Variants in SYNE1 observed in about 807,000 individuals in gnomAD.
The protein encoded by SYNE1 is spectrin repeat containing nuclear envelope protein 1, also known as nesprin-1.
SYNE1 carries 616 observed loss-of-function variants against 1,111.0 expected under a neutral mutation model. The observed-to-expected ratio is 0.55, with a 90% CI of 0.52 to 0.59. SYNE1 has a LOEUF of 0.59. Among genes scored for constraint, SYNE1 ranks in the 20% least tolerant of loss-of-function variants. The pLI, the probability that SYNE1 is intolerant of heterozygous loss-of-function variation, is 0.00. For synonymous variants in SYNE1, 3,855 were observed against 3,825.8 expected (o/e 1.01, Z -0.28); for missense variants, 10,006 against 10,417.0 (o/e 0.96, Z 1.72).
rs59272369 is a variant in SYNE1, at chr6:152,184,631, TATAGATAGATAGATAGATAGATAG to T, written c.23302-4361_23302-4338del. On this transcript the variant is annotated intron_variant, in intron 128 of 145. Coordinates refer to ENST00000367255, the MANE Select transcript of SYNE1 (RefSeq NM_182961.4). ...ACTAAGCAGCTGGATTATACACATA[TATAGATAGATAGATAGATAGATAG>T]ATAGATAGATAGATAGATAGATAAA... Among the ~76,000 whole-genome samples, 193 of 143,024 alleles carry T rather than the reference TATAGATAGATAGATAGATAGATAG, an allele frequency of 1.3e-3. 5 individuals are homozygous for T. In the South Asian group the frequency reaches 0.032, roughly 24 times the overall value. 93.8% of individuals were successfully genotyped at this position (143,024 alleles called of 152,430 possible).
intron 13 of SYNE1, among the ~76,000 whole-genome samples, chr6:152,484,310 TA>T (rs1172675240): frequency 6.6e-6 from 1 of 152,184 alleles, no homozygotes; most frequent in African/African-American, 2.4e-5. Context: ...TCTTGGCCTT[TA>T]AGCATGAAGA....
rs1245842843 is a variant in SYNE1, at chr6:152,262,098, T to C, written c.18906A>G (p.Leu6302=). The C allele has an allele frequency of 1.9e-6, 3 of 1,613,832 alleles. No homozygotes were observed. The highest frequency in any genetic ancestry group is 1.7e-6 in the Non-Finnish European group (2 of 1,179,958). Residue 6302 remains leucine (L), a synonymous_variant, in exon 101 of 146, where the codon CTA becomes CTG. Transcript: ENST00000367255. Reference sequence around the variant, plus strand: ...TCTGCTTGGTACTAAATTCTTGATGTAGGCTTTCCCATTTCATTCTCATCT... The same window carrying C: ...TCTGCTTGGTACTAAATTCTTGATGCAGGCTTTCCCATTTCATTCTCATCT... ...EDQMRMKWES[L]HQEFSTKQKL...
chr6:152,413,087 G>T (rs1481774324), intron 42 of SYNE1, among the ~76,000 whole-genome samples: 1 of 152,142 alleles, frequency 6.6e-6, no homozygotes, highest in African/African-American at 2.4e-5. Flanking sequence ...CTGACCTCAG[G>T]TGATTCGCCT....
Position 152,149,551 on chromosome 6 carries a change from C to T in SYNE1, c.24568G>A (p.Asp8190Asn). 1.2e-6 allele frequency: 2 copies of T among 1,614,214 alleles called. No individual in the cohort carries two copies. Among genetic ancestry groups the T allele is most frequent in the African/African-American group, 1.3e-5 (1 of 75,062 alleles). ...LDAAIIEEEL[D>N]ELRRYCQEVF... ...TCCTGGCAGTACCGTCGGAGCTCATCTAGTTCCTCCTCGATGATCGCTGCA... is the reference window on the plus strand; with the variant it reads ...TCCTGGCAGTACCGTCGGAGCTCATTTAGTTCCTCCTCGATGATCGCTGCA... The change falls in exon 136 of 146, where the codon GAT (aspartate) becomes AAT (asparagine). Residue 8190 changes from aspartate to asparagine, a missense_variant. Transcript: ENST00000367255.
chr6:152,289,362 T>C (rs1302742424), intron 95 of SYNE1, among the ~76,000 whole-genome samples: 1 of 152,316 alleles, frequency 6.6e-6, no homozygotes, highest in East Asian at 1.9e-4. Context: ...AACACGGACC[T>C]TATGTGACCT....
intron 97 of SYNE1, among the ~76,000 whole-genome samples, chr6:152,279,496 G>A (rs138079043): frequency 6.6e-6 from 1 of 151,560 alleles, no homozygotes; most frequent in African/African-American, 2.4e-5. Context: ...CAGGCAGATC[G>A]CTTGAGCTCA....
In SYNE1 at chr6:152,310,728, A is replaced by G; in HGVS notation, c.16856T>C (p.Met5619Thr). The change falls in exon 88 of 146, where the codon ATG becomes ACG. Residue 5619 changes from methionine to threonine, a missense_variant. Physicochemically the swap from Met to Thr is moderately conservative, Grantham distance 81 (BLOSUM62 -1). Around this residue, in one of 7 missense-constraint regions of SYNE1, gnomAD observed 4,955 missense variants for 5,017.2 expected, o/e 0.99. Coordinates refer to ENST00000367255, the MANE Select transcript of SYNE1 (RefSeq NM_182961.4). Reference sequence around the variant, plus strand: ...GAGGTTCTGCAAACGAATTTTGATCATCTGTCGCAACTCCTCAGTCTCCCG... The same window carrying G: ...GAGGTTCTGCAAACGAATTTTGATCGTCTGTCGCAACTCCTCAGTCTCCCG... ...LGRETEELRQMIKIRLQNLQD... is the reference protein window; with the variant it reads ...LGRETEELRQTIKIRLQNLQD... 1.9e-6 allele frequency: 3 copies of G among 1,613,412 alleles called. No homozygotes were observed. The highest frequency in any genetic ancestry group is 2.5e-6 in the Non-Finnish European group (3 of 1,179,946).
intron 99 of SYNE1, 108 bp downstream of exon 99, chr6:152,269,047 A>T: frequency 6.6e-7 from 1 of 1,517,624 alleles, no homozygotes; most frequent in Non-Finnish European, 9.1e-7. Context: ...AGATAAAGAG[A>T]CACTCTGTCT....
chr6:152,369,841 G>A (rs1446948862), intron 59 of SYNE1, among the ~76,000 whole-genome samples: 1 of 151,914 alleles, frequency 6.6e-6, no homozygotes, highest in Non-Finnish European at 1.5e-5. Context: ...AAATTAGCCA[G>A]CCATGGTGGG....
At chr6:152,398,527 A>G in intron 49 of SYNE1, 92 bp downstream of exon 49, 3 of 1,027,736 alleles carry the variant, frequency 2.9e-6, no homozygotes, top group Non-Finnish European at 4.6e-6. Flanking sequence ...AGATTGGCTC[A>G]GATAAGATTT....
intron 39 of SYNE1, among the ~76,000 whole-genome samples, chr6:152,425,083 T>C (rs1446126048): frequency 2.0e-5 from 3 of 152,218 alleles, no homozygotes; most frequent in Non-Finnish European, 4.4e-5. Context: ...TTTTTTCCTA[T>C]ACAAAAACAG....
At position 152,148,139 on chromosome 6, in the gene SYNE1, G is replaced by A. The variant is rs2059827922; in HGVS notation, c.24882C>T (p.Asp8294=). 6.2e-7 allele frequency: 1 copy of A among 1,614,190 alleles called. No homozygotes were observed. The highest frequency in any genetic ancestry group is 8.5e-7 in the Non-Finnish European group (1 of 1,180,036). Residue 8294 remains aspartate, a synonymous_variant, in exon 137 of 146, where the codon GAC becomes GAT. Transcript: ENST00000367255. The surrounding 1 kb of genome is among the most constrained non-coding windows in gnomAD (Gnocchi z 4.1). ...EWDHDYDLSR[D]LESAMSRALP... ...GAGCTCTGGACATTGCAGACTCCAG[G>A]TCCCGACTGAGGTCATAGTCGTGAT...
rs2082748284 is a variant in SYNE1 at position 152,231,557 on chromosome 6, A to G, written c.20873T>C (p.Ile6958Thr). The stretch of plus-strand genomic sequence containing the variant: ...TGTCAGCTGTTTACAGTTAATGTCT[A>G]TCTTAAAACCCTAAAAAAAAAGAGG... Reference protein sequence around the residue: ...EYLQKYKGFKIDINCKQLTVD... With the variant: ...EYLQKYKGFKTDINCKQLTVD... Residue 6958 changes from isoleucine (I) to threonine (T), a missense_variant, in exon 114 of 146, where the codon ATA becomes ACA. By Grantham distance (89) the Ile-to-Thr change is moderately conservative. Around this residue, in one of 7 missense-constraint regions of SYNE1, gnomAD observed 2,182 missense variants for 2,287.8 expected, o/e 0.95. Coordinates refer to ENST00000367255, the MANE Select transcript of SYNE1 (RefSeq NM_182961.4). 1 of 1,613,964 alleles carries G rather than the reference A, an allele frequency of 6.2e-7. No individual in the cohort carries two copies. The highest frequency in any genetic ancestry group is 1.7e-5 in the Admixed American group (1 of 59,990).
At chr6:152,398,838 C>A in intron 48 of SYNE1, 107 bp from the exon 49 acceptor site, 1 of 767,664 alleles carries the variant, frequency 1.3e-6, no homozygotes, top group Non-Finnish European at 2.2e-6. Context: ...GCCTTTAGCT[C>A]ATCTCCTCTT....
At chr6:152,350,078 AC>A in intron 72 of SYNE1, 89 bp downstream of exon 72, 1 of 1,492,756 alleles carries the variant, frequency 6.7e-7, no homozygotes, top group Non-Finnish European at 9.3e-7. Context: ...CTGTGTGTGC[AC>A]CCCCACACAT....
At chr6:152,382,112 T>C (rs1038006028) in intron 55 of SYNE1, among the ~76,000 whole-genome samples, 2 of 152,200 alleles carry the variant, frequency 1.3e-5, no homozygotes, top group African/African-American at 4.8e-5. Context: ...TTAAATCACA[T>C]TGTTAAATTG....
intron 4 of SYNE1, among the ~76,000 whole-genome samples, chr6:152,534,217 TA>T (rs1240170185): frequency 6.7e-6 from 1 of 148,632 alleles, no homozygotes; most frequent in Non-Finnish European, 1.5e-5. Flanking sequence ...AATAAATAAA[TA>T]AAATAATATA....
intron 127 of SYNE1, among the ~76,000 whole-genome samples, chr6:152,200,603 C>G (rs1398680862): frequency 6.6e-6 from 1 of 152,084 alleles, no homozygotes; most frequent in Non-Finnish European, 1.5e-5. Context: ...GCCATATTGC[C>G]CAGGCTGATC....
intron 4 of SYNE1, among the ~76,000 whole-genome samples, chr6:152,534,034 C>T (rs1019444509): frequency 2.6e-5 from 4 of 151,878 alleles, no homozygotes; most frequent in African/African-American, 9.7e-5. Flanking sequence ...CGGTGGGCTC[C>T]TGTAATCCCA....
Sources: allele counts gnomAD v4.1 joint callset (sites outside exome capture counted in the v4.1 genomes callset), GRCh38; gene constraint gnomAD v4.1.1; regional missense constraint gnomAD v4.1.1; non-coding constraint Gnocchi (gnomAD v3.1); transcripts MANE v1.5; gene names NCBI Gene and HGNC (gene_info 2026-07-23, HGNC 2026-07-21).